Variants in LUZP2 observed in about 807,000 individuals in gnomAD.
LUZP2 encodes leucine zipper protein 2.
Under a neutral mutation model 51.6 loss-of-function variants are expected in LUZP2, and 52 were observed. That is an observed-to-expected ratio of 1.01 (90% CI 0.81 to 1.27). The LOEUF (loss-of-function observed/expected upper bound fraction) is 1.27, where lower values mean the gene tolerates loss of function less well. Ranked by LOEUF, LUZP2 falls within the 50% of genes most tolerant of loss-of-function variation. The pLI is 0.00. For missense variants in LUZP2, 436 were observed against 395.4 expected (o/e 1.10, Z -0.87); for synonymous variants, 154 against 137.3 (o/e 1.12, Z -0.85).
chr11:25,012,131 T>A (rs1857002640), intron 9 of LUZP2, among the ~76,000 whole-genome samples: 1 of 152,204 alleles, frequency 6.6e-6, no homozygotes, highest in African/African-American at 2.4e-5. Context: ...ATTAGCTGCC[T>A]TGAAGGGTAA....
chr11:24,603,759 CAAAGT>C (rs1477183012), intron 1 of LUZP2, among the ~76,000 whole-genome samples: 2 of 151,472 alleles, frequency 1.3e-5, no homozygotes, highest in African/African-American at 4.8e-5. Context: ...CTTCAATTAA[CAAAGT>C]AAAGAATTTA....
chr11:24,781,612 C>A (rs1377740913), intron 5 of LUZP2, among the ~76,000 whole-genome samples: 1 of 151,790 alleles, frequency 6.6e-6, no homozygotes, highest in Non-Finnish European at 1.5e-5. Context: ...TACCATTTTC[C>A]ATTTTCTTTA....
At chr11:25,029,331 T>C (rs1857580908) in intron 9 of LUZP2, among the ~76,000 whole-genome samples, 1 of 152,158 alleles carries the variant, frequency 6.6e-6, no homozygotes, top group Non-Finnish European at 1.5e-5. Context: ...AAACATCTCA[T>C]GTACTCCATA....
chr11:24,682,491 C>A (rs1269779750), intron 1 of LUZP2, among the ~76,000 whole-genome samples: 9 of 91,086 alleles, frequency 9.9e-5, no homozygotes. Flanking sequence ...CAAGACTCCA[C>A]CTTGGAAAAA....
intron 7 of LUZP2, among the ~76,000 whole-genome samples, chr11:24,933,295 T>C (rs1854505808): frequency 6.6e-6 from 1 of 152,194 alleles, no homozygotes; most frequent in African/African-American, 2.4e-5. Flanking sequence ...TCTCCATATG[T>C]AGCTCTGTTC....
At chr11:25,069,143 G>A (rs1444347426) in intron 10 of LUZP2, among the ~76,000 whole-genome samples, 1 of 151,890 alleles carries the variant, frequency 6.6e-6, no homozygotes, top group East Asian at 1.9e-4. Context: ...GTTGTTACCT[G>A]AGACTGCAAC....
intron 1 of LUZP2, among the ~76,000 whole-genome samples, chr11:24,526,451 T>G (rs997478613): frequency 7.1e-5 from 4 of 56,316 alleles, no homozygotes; most frequent in Non-Finnish European, 1.3e-4. Flanking sequence ...AATCCTACTC[T>G]CTACTCTTTT....
intron 9 of LUZP2, among the ~76,000 whole-genome samples, chr11:25,026,611 C>A (rs544687642): frequency 6.6e-6 from 1 of 151,798 alleles, no homozygotes; most frequent in Non-Finnish European, 1.5e-5. Flanking sequence ...TTTGTGTGGC[C>A]TCTATTATTT....
chr11:24,668,470 T>C (rs1219536559), intron 1 of LUZP2, among the ~76,000 whole-genome samples: 1 of 152,294 alleles, frequency 6.6e-6, no homozygotes, highest in South Asian at 2.1e-4. Flanking sequence ...TCTAGAAACA[T>C]ATATTCAGAA....
chr11:24,660,512 T>G (rs1227109830), intron 1 of LUZP2, among the ~76,000 whole-genome samples: 3 of 152,158 alleles, frequency 2.0e-5, no homozygotes, highest in African/African-American at 4.8e-5. Flanking sequence ...AATAATGATA[T>G]AATTTTTCTC....
At chr11:24,925,537 T>TA (rs1854200524) in intron 7 of LUZP2, among the ~76,000 whole-genome samples, 1 of 152,098 alleles carries the variant, frequency 6.6e-6, no homozygotes, top group South Asian at 2.1e-4. Context: ...AAAAGCCTAC[T>TA]AGCCTCACTT....
intron 7 of LUZP2, among the ~76,000 whole-genome samples, chr11:24,970,055 G>T (rs1855700093): frequency 6.6e-6 from 1 of 152,122 alleles, no homozygotes; most frequent in African/African-American, 2.4e-5. Flanking sequence ...AAATCTGTTA[G>T]AATTTTATTT....
chr11:24,841,712 C>T (rs1851038217), intron 5 of LUZP2, among the ~76,000 whole-genome samples: 1 of 151,986 alleles, frequency 6.6e-6, no homozygotes, highest in Admixed American at 6.6e-5. Flanking sequence ...GCAAATGTCA[C>T]ATACAAAATT....
chr11:24,511,093 A>G (rs1018195523), intron 1 of LUZP2, among the ~76,000 whole-genome samples: 4 of 152,350 alleles, frequency 2.6e-5, no homozygotes, highest in Middle Eastern at 3.4e-3. Flanking sequence ...TACCTCTGCC[A>G]TATATTCAGG....
At chr11:24,751,564 G>T in intron 4 of LUZP2, 1 of 981,572 alleles carries the variant, frequency 1.0e-6, no homozygotes, top group Non-Finnish European at 1.2e-6. Context: ...TGGAGTCGTA[G>T]TACCCACCCC....
At chr11:24,793,362 T>C (rs1849458042) in intron 5 of LUZP2, among the ~76,000 whole-genome samples, 5 of 152,188 alleles carry the variant, frequency 3.3e-5, no homozygotes, top group Admixed American at 3.3e-4. Context: ...GGCCTGAATC[T>C]GCACTCTATG....
At chr11:24,899,324 G>T (rs1032014306) in intron 5 of LUZP2, among the ~76,000 whole-genome samples, 4 of 151,582 alleles carry the variant, frequency 2.6e-5, no homozygotes, top group African/African-American at 9.7e-5. Context: ...TAGGATATTT[G>T]AGTTGATATT....
chr11:24,913,870 G>A (rs1351179958), intron 6 of LUZP2, among the ~76,000 whole-genome samples: 1 of 152,032 alleles, frequency 6.6e-6, no homozygotes, highest in Non-Finnish European at 1.5e-5. Flanking sequence ...ATAACTCTGT[G>A]ACTTAAGGGA....
intron 5 of LUZP2, among the ~76,000 whole-genome samples, chr11:24,857,545 T>G (rs1851607759): frequency 1.4e-5 from 2 of 141,182 alleles, no homozygotes; most frequent in South Asian, 2.3e-4. Context: ...CTTTTTCAGG[T>G]GCATATCCAA....
Sources: gnomAD v4.1 joint callset for allele counts (sites outside exome capture counted in the v4.1 genomes callset) on GRCh38, gnomAD v4.1.1 for gene constraint, MANE v1.5 for transcripts, NCBI Gene and HGNC (gene_info 2026-07-23, HGNC 2026-07-21) for gene names.